Variants in C4orf50 observed in about 807,000 individuals in gnomAD.
C4orf50 encodes the protein uncharacterized protein C4orf50.
In C4orf50, 80 loss-of-function variants were observed where a neutral mutation model predicts 77.2. That is an observed-to-expected ratio of 1.04 (90% CI 0.87 to 1.25). The LOEUF (loss-of-function observed/expected upper bound fraction) is 1.25. Ranked by LOEUF, C4orf50 falls within the 50% of genes most tolerant of loss-of-function variation. C4orf50 has a pLI of 0.00. For synonymous variants in C4orf50, 532 were observed against 465.3 expected (o/e 1.14, Z -1.84); for missense variants, 1,257 against 1,152.9 (o/e 1.09, Z -1.31).
At chr4:5,998,863 C>T (rs965073970) in intron 25 of C4orf50, among the ~76,000 whole-genome samples, 7 of 152,232 alleles carry the variant, frequency 4.6e-5, no homozygotes, top group Non-Finnish European at 7.3e-5. Flanking sequence ...AGATAAACCA[C>T]GTTTGTCTTG....
chr4:5,969,322 G>A (rs2108771020), intron 31 of C4orf50, among the ~76,000 whole-genome samples: 1 of 151,928 alleles, frequency 6.6e-6, no homozygotes. Context: ...AATGAACTGG[G>A]GGAGTTCAGG....
chr4:5,987,090 A>G (rs1246901179), intron 28 of C4orf50, among the ~76,000 whole-genome samples: 1 of 152,136 alleles, frequency 6.6e-6, no homozygotes, highest in East Asian at 1.9e-4. Flanking sequence ...AAAGAACAGC[A>G]AATTAAATCA....
At chr4:6,002,833 G>T (rs16838073) in intron 25 of C4orf50, among the ~76,000 whole-genome samples, 3 of 152,200 alleles carry the variant, frequency 2.0e-5, no homozygotes, top group Non-Finnish European at 4.4e-5. Context: ...TTACATCGGG[G>T]CCTCACTCCT....
At chr4:5,972,830 G>A (rs1720010604) in intron 31 of C4orf50, among the ~76,000 whole-genome samples, 1 of 152,190 alleles carries the variant, frequency 6.6e-6, no homozygotes, top group Non-Finnish European at 1.5e-5. Context: ...CAGGAACGGG[G>A]CTGCATGTAT....
chr4:6,013,150 G>A (rs1722552395), intron 23 of C4orf50, among the ~76,000 whole-genome samples: 1 of 152,148 alleles, frequency 6.6e-6, no homozygotes, highest in Non-Finnish European at 1.5e-5. Flanking sequence ...ATTATATGAT[G>A]CATTATTATT....
chr4:5,976,235 G>A (rs1443794954), intron 29 of C4orf50, among the ~76,000 whole-genome samples: 1 of 151,844 alleles, frequency 6.6e-6, no homozygotes, highest in Non-Finnish European at 1.5e-5. Context: ...CACGAGGTCA[G>A]GAGATCGAGA....
intron 31 of C4orf50, among the ~76,000 whole-genome samples, chr4:5,972,801 G>A (rs1386968939): frequency 1.3e-5 from 2 of 152,232 alleles, no homozygotes; most frequent in Non-Finnish European, 2.9e-5. Context: ...GTCTGGCGGG[G>A]GCGTTGCTGG....
intron 25 of C4orf50, among the ~76,000 whole-genome samples, chr4:6,005,802 T>C (rs1722226667): frequency 6.6e-6 from 1 of 152,136 alleles, no homozygotes; most frequent in South Asian, 2.1e-4. Flanking sequence ...CAGGTAGCTA[T>C]TTCTGAGAAG....
chr4:5,955,362 G>A (rs1718910150), downstream of C4orf50, among the ~76,000 whole-genome samples: 1 of 152,082 alleles, frequency 6.6e-6, no homozygotes, highest in African/African-American at 2.4e-5. The surrounding 1 kb of genome is among the most constrained non-coding windows in gnomAD (Gnocchi z 5.1). Flanking sequence ...TGTGTGCTTG[G>A]CTCCTGGGTC....
In C4orf50 at chr4:6,009,014, G is replaced by A. The variant is rs1243554674; in HGVS notation, c.427-482C>T. ...GTCAGCTGGCCCCAGCAGGTGAGTC[G>A]CAATACCAGTGCCACAGCAGCTGTC... On this transcript the variant is annotated intron_variant, in intron 24 of 33. Coordinates refer to ENST00000531445, the Ensembl canonical transcript of C4orf50. The surrounding 1 kb of genome is among the most constrained non-coding windows in gnomAD (Gnocchi z 5.6). Among the ~76,000 whole-genome samples, 2 of 152,164 alleles carry A rather than the reference G, an allele frequency of 1.3e-5. No homozygotes were observed. Among genetic ancestry groups the A allele is most frequent in the African/African-American group, 4.8e-5 (2 of 41,430 alleles).
At chr4:5,902,412 T>A (rs1304083794) in intron 7 of C4orf50, 1 of 152,178 alleles carries the variant, frequency 6.6e-6, no homozygotes, top group Non-Finnish European at 1.5e-5. Flanking sequence ...AGCTTAGGTT[T>A]TGAAATCAGG....
intron 29 of C4orf50, among the ~76,000 whole-genome samples, 159 bp downstream of exon 7, chr4:5,980,014 TG>T (rs199861877): frequency 8.2e-4 from 125 of 151,824 alleles, no homozygotes; most frequent in Non-Finnish European, 1.5e-3. Flanking sequence ...GGTTTTTTGT[TG>T]TTTTTTTTTT....
chr4:5,950,578 T>G (rs1486613461), intron 7 of C4orf50, among the ~76,000 whole-genome samples: 1 of 152,198 alleles, frequency 6.6e-6, no homozygotes, highest in African/African-American at 2.4e-5. Flanking sequence ...GGCAAGCTAC[T>G]TCACCTCTCT....
In C4orf50 at chr4:6,008,111, T is replaced by C. The variant is rs1423530834; in HGVS notation, c.848A>G (p.Tyr283Cys). ...GCCAATCTCTGACAGCTTCAGCCCA[T>C]AGATGCAGCAGCGCAGCTCCTCCAG... The change falls in exon 25 of 34, where the codon TAT (tyrosine) becomes TGT (cysteine). Residue 283 changes from tyrosine to cysteine, a missense_variant. By Grantham distance (194) the Tyr-to-Cys change is radical. Coordinates refer to ENST00000531445, the Ensembl canonical transcript of C4orf50. The surrounding 1 kb of genome is among the most constrained non-coding windows in gnomAD (Gnocchi z 6.0). 6 of 398,922 alleles carry C rather than the reference T, an allele frequency of 1.5e-5. No individual in the cohort carries two copies. Among genetic ancestry groups the C allele is most frequent in the Non-Finnish European group, 2.2e-5 (5 of 226,108 alleles). The allele number at this position is 398,922 out of a possible 1,614,324, so 24.7% of individuals were successfully genotyped here.
chr4:5,969,712 CAG>C (rs1719790343), intron 31 of C4orf50, among the ~76,000 whole-genome samples: 1 of 152,138 alleles, frequency 6.6e-6, no homozygotes, highest in South Asian at 2.1e-4. Context: ...CCATAGGGTA[CAG>C]CAGCCCCCAC....
At chr4:5,941,018 C>A (rs566877845) in intron 7 of C4orf50, among the ~76,000 whole-genome samples, 123 of 152,254 alleles carry the variant, frequency 8.1e-4, no homozygotes, top group Non-Finnish European at 1.1e-3. Context: ...TGAAAACCAC[C>A]CTGCAGAGCC....
intron 7 of C4orf50, among the ~76,000 whole-genome samples, chr4:5,906,391 G>A (rs747053804): frequency 1.4e-4 from 22 of 152,282 alleles, no homozygotes; most frequent in Admixed American, 2.0e-4. Flanking sequence ...GAAACAGGTT[G>A]GGCAGAAGCC....
intron 7 of C4orf50, among the ~76,000 whole-genome samples, chr4:5,944,084 C>T (rs1296452738): frequency 6.6e-6 from 1 of 152,174 alleles, no homozygotes; most frequent in African/African-American, 2.4e-5. Context: ...CATACAGAGA[C>T]AAATAGACAC....
chr4:5,966,649 A>G (rs1473790096), intron 32 of C4orf50, among the ~76,000 whole-genome samples: 1 of 132,390 alleles, frequency 7.6e-6, no homozygotes, highest in Non-Finnish European at 1.6e-5. Context: ...AACATTCCAT[A>G]TCTTAAGAGG....
Sources: allele counts gnomAD v4.1 joint callset (sites outside exome capture counted in the v4.1 genomes callset), GRCh38; gene constraint gnomAD v4.1.1; non-coding constraint Gnocchi (gnomAD v3.1); transcripts MANE v1.5; gene names NCBI Gene and HGNC (gene_info 2026-07-23, HGNC 2026-07-21).